ERH: variants seen among roughly 807,000 people sequenced by gnomAD.
ERH encodes ERH mRNA splicing and mitosis factor.
In ERH, 1 loss-of-function variant was observed where a neutral mutation model predicts 16.8. The observed-to-expected ratio is 0.06, with a 90% CI of 0.02 to 0.28. The LOEUF is 0.28. Ranked by LOEUF, ERH falls within the 10% of genes least tolerant of loss-of-function variation. The pLI, the probability that ERH is intolerant of heterozygous loss-of-function variation, is 1.00. For synonymous variants in ERH, 43 were observed against 43.6 expected (o/e 0.99, Z 0.05); for missense variants, 42 against 127.5 (o/e 0.33, Z 3.23).
intron 1 of ERH, among the ~76,000 whole-genome samples, chr14:69,395,470 T>C (rs943856690): frequency 1.3e-5 from 2 of 152,212 alleles, no homozygotes; most frequent in Non-Finnish European, 2.9e-5. Context: ...CTCCTTTTCC[T>C]TTTCTATCTT....
At chr14:69,387,775 T>C (rs2045901027) in intron 2 of ERH, among the ~76,000 whole-genome samples, 1 of 151,066 alleles carries the variant, frequency 6.6e-6, no homozygotes, top group East Asian at 1.9e-4. Context: ...CCGGGCACAG[T>C]GGCTCACGCC....
Position 69,380,521 on chromosome 14 carries a change from C to CCGG in ERH, c.*16_*17insCCG. ...TGTTCCAAGCCCACCCCAACCCCCC[C>CCGG]AGTGCTTCCAACACAATTATTTCCC... is the stretch of plus-strand genomic sequence containing the variant. On this transcript the variant is annotated 3_prime_UTR_variant, in exon 4 of 4. Coordinates refer to ENST00000557016, the MANE Select transcript of ERH (RefSeq NM_004450.3). 7.3e-7 allele frequency: 1 copy of CCGG among 1,367,758 alleles called. No homozygotes were observed. The allele number at this position is 1,367,758 out of a possible 1,614,324, so 84.7% of individuals were successfully genotyped here.
chr14:69,394,804 C>A (rs768659233), intron 2 of ERH, 21 bp downstream of exon 2: 3 of 1,576,692 alleles, frequency 1.9e-6, no homozygotes, highest in East Asian at 4.5e-5. Context: ...TTTTCTACCC[C>A]TTGATTAGTG....
At chr14:69,389,322 C>G (rs900084675) in intron 2 of ERH, among the ~76,000 whole-genome samples, 1 of 152,164 alleles carries the variant, frequency 6.6e-6, no homozygotes, top group Admixed American at 6.5e-5. Context: ...CCACCATGCC[C>G]GGCCTCCATT....
chr14:69,398,119 G>A, intron 1 of ERH, 112 bp downstream of exon 1: 1 of 1,229,610 alleles, frequency 8.1e-7, no homozygotes, highest in Admixed American at 2.0e-5. Flanking sequence ...AGAGTGGCGG[G>A]GAGCATCACG....
Position 69,380,544 on chromosome 14 carries a change from C to T in ERH, c.309G>A (p.Gly103=). The change falls in exon 4 of 4, where the codon GGG becomes GGA. Residue 103 remains glycine (G), a synonymous_variant. Coordinates refer to ENST00000557016, the MANE Select transcript of ERH (RefSeq NM_004450.3). ...CCCAGTGCTTCCAACACAATTATTTCCCAGCCTGTTGGGCCTGCCGACGAA... is the reference window on the plus strand; with the variant it reads ...CCCAGTGCTTCCAACACAATTATTTTCCAGCCTGTTGGGCCTGCCGACGAA... ...VLLRRQAQQA[G]K is the part of the protein sequence containing the mutation. 40 of 1,134,992 alleles carry T rather than the reference C, an allele frequency of 3.5e-5. No individual in the cohort carries two copies. Among genetic ancestry groups the T allele is most frequent in the Admixed American group, 9.3e-5 (5 of 53,708 alleles). The allele number at this position is 1,134,992 out of a possible 1,614,324, so 70.3% of individuals were successfully genotyped here. A position where few individuals can be genotyped will look rare whatever the true frequency, so the allele number is the denominator to read the frequency against.
chr14:69,387,824 C>A (rs1423222914), intron 2 of ERH, among the ~76,000 whole-genome samples: 4 of 152,126 alleles, frequency 2.6e-5, no homozygotes, highest in Non-Finnish European at 5.9e-5. Flanking sequence ...GCGGGCGGAT[C>A]ACGAGGTCAG....
intron 1 of ERH, among the ~76,000 whole-genome samples, chr14:69,396,707 C>G (rs1882343144): frequency 1.3e-5 from 2 of 152,196 alleles, no homozygotes; most frequent in South Asian, 2.1e-4. Flanking sequence ...AAGAACTAAA[C>G]CACTTTGACT....
intron 1 of ERH, 57 bp downstream of exon 1, chr14:69,398,174 G>T: frequency 6.2e-7 from 1 of 1,609,542 alleles, no homozygotes; most frequent in South Asian, 1.1e-5. Flanking sequence ...GTATGGGGCT[G>T]GGGTCGCTCT....
intron 1 of ERH, 179 bp downstream of exon 1, chr14:69,398,052 A>T: frequency 1.3e-6 from 1 of 782,934 alleles, no homozygotes; most frequent in Admixed American, 2.6e-5. Context: ...CGGGGCTCCG[A>T]GGCCTAGAGT....
chr14:69,392,298 TAG>T (rs1245630861), intron 2 of ERH, among the ~76,000 whole-genome samples: 1 of 152,186 alleles, frequency 6.6e-6, no homozygotes, highest in African/African-American at 2.4e-5. Flanking sequence ...TTTTTTGTTT[TAG>T]TTTTTTAAAT....
At chr14:69,384,823 T>C (rs28580391) in intron 3 of ERH, among the ~76,000 whole-genome samples, 84 of 152,356 alleles carry the variant, frequency 5.5e-4, no homozygotes, top group African/African-American at 1.9e-3. Context: ...TATCAATTAA[T>C]ATACACATTA....
chr14:69,396,402 C>T (rs1228088532), intron 1 of ERH, among the ~76,000 whole-genome samples: 1 of 152,236 alleles, frequency 6.6e-6, no homozygotes, highest in African/African-American at 2.4e-5. Context: ...GCTGGGATTA[C>T]AGGCATGCAC....
At chr14:69,395,359 T>C (rs1490460066) in intron 1 of ERH, among the ~76,000 whole-genome samples, 2 of 152,214 alleles carry the variant, frequency 1.3e-5, no homozygotes, top group Non-Finnish European at 2.9e-5. Flanking sequence ...AGTCTAAGTA[T>C]AGTATCTAGC....
At chr14:69,397,781 G>A (rs576896725) in intron 1 of ERH, among the ~76,000 whole-genome samples, 3 of 152,340 alleles carry the variant, frequency 2.0e-5, no homozygotes, top group South Asian at 4.1e-4. Flanking sequence ...AGCCGAGCGA[G>A]GTGGCGGGCG....
At chr14:69,381,681 C>T (rs1194301709) in intron 3 of ERH, among the ~76,000 whole-genome samples, 1 of 152,040 alleles carries the variant, frequency 6.6e-6, no homozygotes, top group Non-Finnish European at 1.5e-5. Context: ...TCCCACCACC[C>T]CCACCACCGA....
At chr14:69,382,569 C>G (rs183570802) in intron 3 of ERH, among the ~76,000 whole-genome samples, 1 of 152,110 alleles carries the variant, frequency 6.6e-6, no homozygotes, top group Admixed American at 6.5e-5. Context: ...GCCAGTGGCT[C>G]ATGCCTGTAA....
At chr14:69,393,574 T>C (rs1053901793) in intron 2 of ERH, among the ~76,000 whole-genome samples, 1 of 152,168 alleles carries the variant, frequency 6.6e-6, no homozygotes, top group South Asian at 2.1e-4. Flanking sequence ...AGTCAAACAT[T>C]TAATGTTCTC....
intron 1 of ERH, among the ~76,000 whole-genome samples, chr14:69,397,014 T>G (rs1882356145): frequency 6.6e-6 from 1 of 152,228 alleles, no homozygotes; most frequent in Admixed American, 6.5e-5. Flanking sequence ...ATTCCAATTC[T>G]AATGCAAATT....
Sources: gnomAD v4.1 joint callset for allele counts (sites outside exome capture counted in the v4.1 genomes callset) on GRCh38, gnomAD v4.1.1 for gene constraint, MANE v1.5 for transcripts, NCBI Gene and HGNC (gene_info 2026-07-23, HGNC 2026-07-21) for gene names.